The following KIF3A variants were observed in gnomAD, a reference collection of about 807,000 sequenced individuals.
The protein encoded by KIF3A is kinesin-like protein KIF3A.
Under a neutral mutation model 92.6 loss-of-function variants are expected in KIF3A, and 27 were observed. The ratio of observed to expected loss-of-function variants is 0.29; its 90% CI spans 0.21 to 0.40. The LOEUF (loss-of-function observed/expected upper bound fraction) is 0.40, where lower values mean the gene tolerates loss of function less well. KIF3A is among the 10% of genes least tolerant of loss of function. The pLI is 1.00. For missense variants in KIF3A, 581 were observed against 872.6 expected (o/e 0.67, Z 4.21); for synonymous variants, 250 against 275.4 (o/e 0.91, Z 0.92).
chr5:132,724,643 T>C (rs1045519910), intron 4 of KIF3A, among the ~76,000 whole-genome samples: 1 of 150,746 alleles, frequency 6.6e-6, no homozygotes, highest in African/African-American at 2.4e-5. Flanking sequence ...GGGCCTGTTG[T>C]GGGGTGGGAG....
chr5:132,728,816 A>T (rs1449668427), intron 2 of KIF3A, among the ~76,000 whole-genome samples: 2 of 152,136 alleles, frequency 1.3e-5, no homozygotes, highest in Non-Finnish European at 2.9e-5. Context: ...CTCCTGCTAT[A>T]GTCCCAGCAC....
intron 10 of KIF3A, 51 bp from the exon 11 acceptor site, chr5:132,706,510 G>GA: frequency 6.8e-7 from 1 of 1,465,812 alleles, no homozygotes. Context: ...AATACGCACA[G>GA]AGATGAGGAG....
rs756540926 is a variant in KIF3A at position 132,724,792 on chromosome 5, TAAAAA to T, written c.510+1331_510+1335del. ...ATGTACCCTAGAACTTAAAGTATAA[TAAAAA>T]AAAAAAAAAATATATATATATATAT... On this transcript the variant is annotated intron_variant, in intron 4 of 18. Transcript: ENST00000403231. Among the ~76,000 whole-genome samples, 101 of 64,342 alleles carry T rather than the reference TAAAAA, an allele frequency of 1.6e-3. 2 individuals carry two copies. The highest frequency in any genetic ancestry group is 1.7e-3 in the Non-Finnish European group (71 of 41,234). The allele number at this position is 64,342 out of a possible 152,430, so 42.2% of individuals were successfully genotyped here. A position where few individuals can be genotyped will look rare whatever the true frequency, so the allele number is the denominator to read the frequency against.
intron 2 of KIF3A, among the ~76,000 whole-genome samples, chr5:132,730,702 G>A (rs894247901): frequency 2.0e-5 from 3 of 151,500 alleles, no homozygotes; most frequent in Non-Finnish European, 2.9e-5. Context: ...GGCTGAAGTG[G>A]GAGGATCGCT....
intron 2 of KIF3A, among the ~76,000 whole-genome samples, chr5:132,729,856 C>T (rs1176432747): frequency 6.6e-6 from 1 of 151,040 alleles, no homozygotes; most frequent in African/African-American, 2.4e-5. Flanking sequence ...GGAAATTAAG[C>T]CCAAAGTAAG....
intron 11 of KIF3A, among the ~76,000 whole-genome samples, chr5:132,705,553 G>A (rs1391565584): frequency 1.3e-5 from 2 of 151,964 alleles, no homozygotes; most frequent in Non-Finnish European, 2.9e-5. Flanking sequence ...ACACATAACT[G>A]TTCATGCATT....
At chr5:132,704,995 C>T (rs75862485) in intron 11 of KIF3A, among the ~76,000 whole-genome samples, 7,055 of 151,746 alleles carry the variant, frequency 0.046, 551 homozygotes, top group African/African-American at 0.16. Flanking sequence ...ACCTAAGACA[C>T]AAGACAAATG....
At chr5:132,708,999 C>A in intron 9 of KIF3A, 21 bp from the exon 10 acceptor site, 1 of 1,527,490 alleles carries the variant, frequency 6.5e-7, no homozygotes, top group Non-Finnish European at 8.9e-7. Context: ...AAGAAATGAG[C>A]CCAACAGGAA....
chr5:132,699,775 G>A (rs1005623532), intron 17 of KIF3A, among the ~76,000 whole-genome samples: 3 of 151,700 alleles, frequency 2.0e-5, no homozygotes, highest in Admixed American at 6.6e-5. Context: ...TGTTAGCCAG[G>A]ATGGTCTTGA....
rs1167332306 is a variant in KIF3A at position 132,724,806 on chromosome 5, AATATATATATATATATATATAT to A, written c.510+1300_510+1321del. On this transcript the variant is annotated intron_variant, in intron 4 of 18. Coordinates refer to ENST00000403231, the MANE Select transcript of KIF3A (RefSeq NM_001300791.2). Reference sequence around the variant, plus strand: ...TTAAAGTATAATAAAAAAAAAAAAAAATATATATATATATATATATATATATATATATATATATATATATATA... The same window carrying A: ...TTAAAGTATAATAAAAAAAAAAAAAAATATATATATATATATATATATATA... Among the ~76,000 whole-genome samples, 72 of 22,692 alleles carry A rather than the reference AATATATATATATATATATATAT, an allele frequency of 3.2e-3. 1 individual carries two copies. The highest frequency in any genetic ancestry group is 0.018 in the Middle Eastern group (1 of 56). The allele number at this position is 22,692 out of a possible 152,430, so 14.9% of individuals were successfully genotyped here. A position where few individuals can be genotyped will look rare whatever the true frequency, so the allele number is the denominator to read the frequency against.
downstream of KIF3A, among the ~76,000 whole-genome samples, chr5:132,690,741 C>A (rs961762391): frequency 6.6e-6 from 1 of 151,954 alleles, no homozygotes; most frequent in African/African-American, 2.4e-5. Flanking sequence ...TCTTGGCTAA[C>A]ACGGTGAAAC....
rs1437416425 is a variant in KIF3A at position 132,726,420 on chromosome 5, C to G, written c.359G>C (p.Arg120Thr). Residue 120 changes from arginine (R) to threonine (T), a missense_variant, in exon 3 of 19, where the codon AGA becomes ACA. By Grantham distance (71) the Arg-to-Thr change is moderately conservative. Around this residue, in one of 5 missense-constraint regions of KIF3A, gnomAD observed 217 missense variants for 299.7 expected, o/e 0.72. Transcript: ENST00000403231. Reference sequence around the variant, plus strand: ...AGCAAATGAATTGGGAATTATTCCTCTAAGTTCAGGAATAGCTCGAACACC... The same window carrying G: ...AGCAAATGAATTGGGAATTATTCCTGTAAGTTCAGGAATAGCTCGAACACC... Reference protein sequence around the residue: ...MEGVRAIPELRGIIPNSFAHI... With the variant: ...MEGVRAIPELTGIIPNSFAHI... The G allele has an allele frequency of 3.1e-6, 5 of 1,613,266 alleles. No individual in the cohort carries two copies. The highest frequency in any genetic ancestry group is 3.4e-6 in the Non-Finnish European group (4 of 1,179,264).
At chr5:132,735,157 C>T (rs1313270840) in intron 1 of KIF3A, among the ~76,000 whole-genome samples, 1 of 152,136 alleles carries the variant, frequency 6.6e-6, no homozygotes, top group Non-Finnish European at 1.5e-5. Flanking sequence ...TCACTGCAAC[C>T]TCTGCCTCCC....
chr5:132,725,034 G>T (rs994697337), intron 4 of KIF3A, among the ~76,000 whole-genome samples: 4 of 150,448 alleles, frequency 2.7e-5, no homozygotes, highest in Non-Finnish European at 5.9e-5. Context: ...GGGTCTAACA[G>T]AGTTGAGAAC....
At chr5:132,701,978 T>C in intron 15 of KIF3A, 109 bp downstream of exon 15, 2 of 1,178,630 alleles carry the variant, frequency 1.7e-6, no homozygotes, top group Non-Finnish European at 2.4e-6. Context: ...TTCAAAAAAT[T>C]GTACATTCAA....
chr5:132,700,459 T>C lies in KIF3A; in HGVS notation c.1939-175A>G. The C allele has an allele frequency of 4.6e-6, 3 of 649,646 alleles. No individual in the cohort carries two copies. The South Asian group carries it at 5.8e-5, about 13-fold the overall frequency. The allele number at this position is 649,646 out of a possible 1,614,324, so 40.2% of individuals were successfully genotyped here. A position where few individuals can be genotyped will look rare whatever the true frequency, so the allele number is the denominator to read the frequency against. On this transcript the variant is annotated intron_variant, in intron 16 of 18. Transcript: ENST00000403231. Reference sequence around the variant, plus strand: ...CACATAGCCCCTAACTCTGACCATTTCCACCCAGACCATGATCTGTATGTT... The same window carrying C: ...CACATAGCCCCTAACTCTGACCATTCCCACCCAGACCATGATCTGTATGTT...
chr5:132,730,865 G>A (rs1469831652), intron 2 of KIF3A, among the ~76,000 whole-genome samples: 1 of 151,332 alleles, frequency 6.6e-6, no homozygotes, highest in Admixed American at 6.6e-5. Flanking sequence ...CAGCTACTGG[G>A]GAGGCTGAGG....
intron 5 of KIF3A, 112 bp from the exon 6 acceptor site, chr5:132,717,096 G>C (rs992650335): frequency 2.8e-5 from 29 of 1,019,688 alleles, no homozygotes; most frequent in Non-Finnish European, 4.0e-5. Context: ...AAAAGCCAGA[G>C]AGCATGGCTA....
intron 2 of KIF3A, among the ~76,000 whole-genome samples, chr5:132,730,874 G>A (rs567905493): frequency 6.6e-6 from 1 of 152,258 alleles, no homozygotes; most frequent in South Asian, 2.1e-4. Flanking sequence ...GGGAGGCTGA[G>A]GTGGGAGGAT....
Sources: allele counts gnomAD v4.1 joint callset (sites outside exome capture counted in the v4.1 genomes callset), GRCh38; gene constraint gnomAD v4.1.1; regional missense constraint gnomAD v4.1.1; transcripts MANE v1.5; gene names NCBI Gene and HGNC (gene_info 2026-07-23, HGNC 2026-07-21).